NUTM2E: variants seen among roughly 807,000 people sequenced by gnomAD.
NUTM2E encodes NUT family member 2E, also known as family with sequence similarity 22, member E.
A neutral mutation model predicts 26.1 loss-of-function variants in NUTM2E; 3 were observed. The observed-to-expected ratio is 0.12, with a 90% confidence interval of 0.05 to 0.30. The LOEUF (loss-of-function observed/expected upper bound fraction) is 0.30, where lower values mean the gene tolerates loss of function less well. NUTM2E is among the 10% of genes least tolerant of loss of function. The pLI, the probability that NUTM2E is intolerant of heterozygous loss-of-function variation, is 1.00. For missense variants in NUTM2E, 62 were observed against 381.3 expected, an observed-to-expected ratio of 0.16 and a Z score of 6.97; for synonymous variants, 13 against 157.5, an observed-to-expected ratio of 0.08 and a Z score of 6.87.
chr10:79,835,201 G>T (rs1229857568), intron 1 of NUTM2E, among the ~76,000 whole-genome samples: 1 of 100,762 alleles, frequency 9.9e-6, no homozygotes, highest in African/African-American at 3.4e-5. Context: ...CAAATCTGGG[G>T]ACAGACAGAA....
Position 79,833,693 on chromosome 10 carries a change from T to C in NUTM2E, c.-2727-4616T>C, listed in dbSNP as rs186802243. ...CTCAGGCCAGTTAGAATGGCAATCA[T>C]TAAAAACTCAGGAAACAACAGATGC... is the stretch of plus-strand genomic sequence containing the variant. On this transcript the variant is annotated intron_variant, in intron 1 of 9. Transcript: ENST00000429984. Among the ~76,000 whole-genome samples the C allele has an allele frequency of 5.6e-4, 85 of 151,648 alleles. 3 individuals carry two copies. In the East Asian group the frequency reaches 0.015, roughly 27 times the overall value.
chr10:79,833,118 T>C (rs779876521), intron 1 of NUTM2E, among the ~76,000 whole-genome samples: 7 of 151,884 alleles, frequency 4.6e-5, no homozygotes, highest in Non-Finnish European at 8.8e-5. Context: ...AAAAGAAATG[T>C]TGAACATAGA....
chr10:79,828,896 G>C (rs2132411615), intron 1 of NUTM2E, among the ~76,000 whole-genome samples: 1 of 151,784 alleles, frequency 6.6e-6, no homozygotes, highest in East Asian at 1.9e-4. Context: ...ATTAAAATTA[G>C]CTGTCATTAT....
At chr10:79,828,433 C>T (rs1841904132) in intron 1 of NUTM2E, among the ~76,000 whole-genome samples, 1 of 151,844 alleles carries the variant, frequency 6.6e-6, no homozygotes, top group Non-Finnish European at 1.5e-5. Context: ...GGTTAACAGC[C>T]CCCTTCTCAG....
chr10:79,830,707 CA>C (rs937646162), intron 1 of NUTM2E, among the ~76,000 whole-genome samples: 7 of 150,990 alleles, frequency 4.6e-5, no homozygotes, highest in African/African-American at 1.7e-4. Flanking sequence ...TAGCAAAATA[CA>C]AAAAAAAGAA....
At position 79,827,219 on chromosome 10, in the gene NUTM2E, C is replaced by G. The variant is rs892836447; in HGVS notation, c.-2866C>G. On this transcript the variant is annotated 5_prime_UTR_variant, in exon 1 of 10. Coordinates refer to ENST00000429984, the MANE Select transcript of NUTM2E (RefSeq NM_001355263.2). ...CCATCTGTGTCTTTCGCTCTCGAGC[C>G]CCCAGCTAGAGTTGGCTTCAGCGGA... The G allele has an allele frequency of 6.6e-6, 1 of 152,452 alleles. No individual in the cohort carries two copies. Among genetic ancestry groups the G allele is most frequent in the South Asian group, 2.1e-4 (1 of 4,736 alleles). The allele number at this position is 152,452 out of a possible 1,614,324, so 9.4% of individuals were successfully genotyped here.
At chr10:79,836,943 C>G (rs940466595) in intron 1 of NUTM2E, among the ~76,000 whole-genome samples, 5 of 151,984 alleles carry the variant, frequency 3.3e-5, no homozygotes, top group Middle Eastern at 3.4e-3. Flanking sequence ...AAAAATGCCT[C>G]TCCTCACAAT....
chr10:79,834,611 T>C (rs1431401874), intron 1 of NUTM2E, among the ~76,000 whole-genome samples: 1 of 149,452 alleles, frequency 6.7e-6, no homozygotes, highest in Non-Finnish European at 1.5e-5. Flanking sequence ...GAGGTTTCAG[T>C]GAGCCCAGAT....
intron 1 of NUTM2E, among the ~76,000 whole-genome samples, chr10:79,836,719 TTAATC>T (rs1389899699): frequency 6.6e-6 from 1 of 151,960 alleles, no homozygotes; most frequent in Admixed American, 6.6e-5. Flanking sequence ...GATGTCAAGA[TTAATC>T]TATTACGTTT....
chr10:79,828,848 T>C (rs1165542697), intron 1 of NUTM2E, among the ~76,000 whole-genome samples: 6 of 151,882 alleles, frequency 4.0e-5, no homozygotes, highest in Non-Finnish European at 8.8e-5. Context: ...TAATAGTGTT[T>C]ATTTTACTGT....
In NUTM2E at chr10:79,840,735, TC is replaced by T. The variant is rs1354889967; in HGVS notation, c.-1005del. ...TTCGTAAGTGCCGACAGGGTGTGTT[TC>T]AGTGAATGTTTGCAGTGTGCACCGG... On this transcript the variant is annotated 5_prime_UTR_variant, in exon 4 of 10. It introduces an in-frame stop codon into an upstream open reading frame of the 5' UTR. Coordinates refer to ENST00000429984, the MANE Select transcript of NUTM2E (RefSeq NM_001355263.2). Among the ~76,000 whole-genome samples, 1 of 150,042 alleles carries T rather than the reference TC, an allele frequency of 6.7e-6. No individual in the cohort carries two copies. Among genetic ancestry groups the T allele is most frequent in the African/African-American group, 2.5e-5 (1 of 40,584 alleles).
rs542037093 is a variant in NUTM2E, at chr10:79,837,078, T to C, written c.-2727-1231T>C. 2.6e-5 allele frequency among the ~76,000 whole-genome samples: 4 copies of C among 152,048 alleles called. No individual in the cohort carries two copies. In the East Asian group the frequency reaches 7.7e-4, roughly 29 times the overall value. ...ATGTGGAGGAGGATAGGGCATGACT[T>C]CACTGCTGCGAGGGAGATGTAGCCT... On this transcript the variant is annotated intron_variant, in intron 1 of 9. Transcript: ENST00000429984.
rs1295647248 is a variant in NUTM2E at position 79,838,906 on chromosome 10, C to T, written c.-2323C>T. Among the ~76,000 whole-genome samples the T allele has an allele frequency of 6.7e-6, 1 of 149,278 alleles. No individual in the cohort carries two copies. The highest frequency in any genetic ancestry group is 1.5e-5 in the Non-Finnish European group (1 of 66,910). ...GGGAGCGGTTGAGGGCGGCCGGCCT[C>T]GCGCTGGAACCTCGCCCGCCTCAAG... On this transcript the variant is annotated 5_prime_UTR_variant, in exon 3 of 10. Transcript: ENST00000429984.
At chr10:79,833,720 G>A (rs1203486664) in intron 1 of NUTM2E, among the ~76,000 whole-genome samples, 1 of 151,726 alleles carries the variant, frequency 6.6e-6, no homozygotes, top group Non-Finnish European at 1.5e-5. Context: ...AACAGATGCC[G>A]GAGAGGATGT....
intron 1 of NUTM2E, among the ~76,000 whole-genome samples, chr10:79,827,798 T>TG (rs1564739945): frequency 2.5e-4 from 2 of 8,046 alleles, no homozygotes; most frequent in Non-Finnish European, 3.9e-4. Context: ...TTTTTTTGTT[T>TG]TTTTTTTTTT....
At chr10:79,827,560 T>C (rs1221383041) in intron 1 of NUTM2E, 1 of 135,124 alleles carries the variant, frequency 7.4e-6, no homozygotes, top group Admixed American at 7.6e-5. Flanking sequence ...TACAGCCCCA[T>C]GCTCACAAAA....
At chr10:79,827,784 GTTTTTTTTTT>G (rs1841896204) in intron 1 of NUTM2E, among the ~76,000 whole-genome samples, 19 of 102,960 alleles carry the variant, frequency 1.8e-4, no homozygotes, top group East Asian at 5.1e-4. Context: ...TTATTTAGTG[GTTTTTTTTTT>G]GTTTTTTTTT....
At chr10:79,833,894 A>G (rs1023085383) in intron 1 of NUTM2E, among the ~76,000 whole-genome samples, 1 of 151,880 alleles carries the variant, frequency 6.6e-6, no homozygotes, top group Admixed American at 6.6e-5. Flanking sequence ...TCATTCTTCT[A>G]TAAAGACATA....
intron 1 of NUTM2E, among the ~76,000 whole-genome samples, chr10:79,834,649 CAG>C (rs1841949344): frequency 6.9e-6 from 1 of 145,192 alleles, no homozygotes; most frequent in Non-Finnish European, 1.5e-5. Flanking sequence ...GCCTGGGCAA[CAG>C]AGCGATGCTC....
Sources: gnomAD v4.1 joint callset for allele counts (sites outside exome capture counted in the v4.1 genomes callset) on GRCh38, gnomAD v4.1.1 for gene constraint, MANE v1.5 for transcripts, NCBI Gene and HGNC (gene_info 2026-07-23, HGNC 2026-07-21) for gene names.